AGPAT3: variants seen among roughly 807,000 people sequenced by gnomAD.
The protein encoded by AGPAT3 is 1-acylglycerol-3-phosphate O-acyltransferase 3, also known as 1-acyl-sn-glycerol-3-phosphate acyltransferase gamma.
A neutral mutation model predicts 47.3 loss-of-function variants in AGPAT3; 5 were observed. The observed-to-expected ratio is 0.11, with a 90% CI of 0.06 to 0.22. The LOEUF is 0.22. AGPAT3 is among the 10% of genes least tolerant of loss of function. The pLI, the probability that AGPAT3 is intolerant of heterozygous loss-of-function variation, is 1.00. For missense variants in AGPAT3, 315 were observed against 493.0 expected, an observed-to-expected ratio of 0.64 and a Z score of 3.42; for synonymous variants, 212 against 208.3, an observed-to-expected ratio of 1.02 and a Z score of -0.15.
chr21:43,975,277 CGT>C (rs1569106630), intron 7 of AGPAT3, among the ~76,000 whole-genome samples: 2 of 142,474 alleles, frequency 1.4e-5, no homozygotes, highest in African/African-American at 5.3e-5. Flanking sequence ...TGTGTGCTGG[CGT>C]GTGGTATGTT....
At chr21:43,980,930 T>A in intron 8 of AGPAT3, 59 bp from the exon 9 acceptor site, 14 of 1,371,182 alleles carry the variant, frequency 1.0e-5, no homozygotes, top group Non-Finnish European at 1.2e-5. Flanking sequence ...TTCTCCTGCA[T>A]TGAAATAATA....
intron 1 of AGPAT3, among the ~76,000 whole-genome samples, chr21:43,887,468 T>C (rs1017975163): frequency 2.6e-5 from 4 of 152,178 alleles, no homozygotes; most frequent in Non-Finnish European, 5.9e-5. Context: ...GCTAATTTTA[T>C]TGTGATGATG....
chr21:43,974,886 G>C (rs2089546528), intron 7 of AGPAT3, among the ~76,000 whole-genome samples: 1 of 152,220 alleles, frequency 6.6e-6, no homozygotes, highest in Non-Finnish European at 1.5e-5. Flanking sequence ...CCCCATGCCA[G>C]TTGAACCTGG....
At position 43,985,384 on chromosome 21, in the gene AGPAT3, G is replaced by T; in HGVS notation, c.*2992G>T. 3.2e-6 allele frequency: 1 copy of T among 310,514 alleles called. No homozygotes were observed. The highest frequency in any genetic ancestry group is 6.3e-6 in the Non-Finnish European group (1 of 157,974). The allele number at this position is 310,514 out of a possible 1,614,324, so 19.2% of individuals were successfully genotyped here. ...ATAACACAAAACAACAATGTAAGCA[G>T]CACTTTCTTGTGTAAAAAAAAAAAA... On this transcript the variant is annotated 3_prime_UTR_variant, in exon 10 of 10. Coordinates refer to ENST00000291572, the MANE Select transcript of AGPAT3 (RefSeq NM_020132.5).
chr21:43,980,282 A>C (rs1207848533), intron 8 of AGPAT3, among the ~76,000 whole-genome samples: 2 of 149,342 alleles, frequency 1.3e-5, no homozygotes, highest in East Asian at 3.9e-4. Flanking sequence ...TCTCAAAAAA[A>C]AAAAAAAAAC....
At chr21:43,925,808 C>T (rs145507312) in intron 2 of AGPAT3, among the ~76,000 whole-genome samples, 186 of 152,378 alleles carry the variant, frequency 1.2e-3, no homozygotes, top group African/African-American at 4.3e-3. Context: ...TCTGTCAGGA[C>T]GTGCCACAGC....
At chr21:43,973,180 C>T (rs1225755201) in intron 7 of AGPAT3, among the ~76,000 whole-genome samples, 2 of 152,246 alleles carry the variant, frequency 1.3e-5, no homozygotes, top group Admixed American at 6.5e-5. Flanking sequence ...CGTTCTTCTC[C>T]CGACCCGGGG....
intron 1 of AGPAT3, among the ~76,000 whole-genome samples, chr21:43,884,747 T>TGGTGCTG (rs1379931815): frequency 6.6e-6 from 1 of 151,120 alleles, no homozygotes; most frequent in Non-Finnish European, 1.5e-5. Context: ...CTGGGTGGCC[T>TGGTGCTG]GGTGCTGGGT....
At chr21:43,876,148 T>C (rs1036778059) in intron 1 of AGPAT3, among the ~76,000 whole-genome samples, 2 of 152,218 alleles carry the variant, frequency 1.3e-5, no homozygotes, top group African/African-American at 4.8e-5. Flanking sequence ...TCTCTTTGTT[T>C]TTTTCCAAGT....
intron 2 of AGPAT3, among the ~76,000 whole-genome samples, chr21:43,913,418 C>G (rs2086666596): frequency 6.6e-6 from 1 of 151,992 alleles, no homozygotes; most frequent in African/African-American, 2.4e-5. Flanking sequence ...AACCCCGTCT[C>G]TATAAAAAAA....
intron 2 of AGPAT3, among the ~76,000 whole-genome samples, chr21:43,935,753 TG>T (rs1319961246): frequency 1.3e-5 from 2 of 151,112 alleles, no homozygotes; most frequent in African/African-American, 4.9e-5. Context: ...GACCCAGGCG[TG>T]GGGCAGGAAG....
At position 43,984,837 on chromosome 21, in the gene AGPAT3, A is replaced by T; in HGVS notation, c.*2445A>T. On this transcript the variant is annotated 3_prime_UTR_variant, in exon 10 of 10. Coordinates refer to ENST00000291572, the MANE Select transcript of AGPAT3 (RefSeq NM_020132.5). ...TACACCCTACTTCTGAGCTTAATTC[A>T]GTTGATGTTATGTCCAAATTCAGGC... The T allele has an allele frequency of 3.6e-6, 1 of 281,312 alleles. No individual in the cohort carries two copies. Among genetic ancestry groups the T allele is most frequent in the South Asian group, 3.3e-5 (1 of 30,282 alleles). The allele number at this position is 281,312 out of a possible 1,614,324, so 17.4% of individuals were successfully genotyped here.
intron 2 of AGPAT3, among the ~76,000 whole-genome samples, chr21:43,957,676 C>T (rs2088550518): frequency 1.4e-5 from 2 of 147,050 alleles, no homozygotes; most frequent in African/African-American, 5.1e-5. Flanking sequence ...TCTCGGGTTT[C>T]CCCCTCCACA....
At chr21:43,938,085 T>TTC (rs10587738) in intron 2 of AGPAT3, among the ~76,000 whole-genome samples, 12 of 148,538 alleles carry the variant, frequency 8.1e-5, no homozygotes, top group East Asian at 7.9e-4. Context: ...CTCCCCCACT[T>TTC]TCTCTCTCTC....
At chr21:43,963,937 T>C (rs895649417) in intron 3 of AGPAT3, among the ~76,000 whole-genome samples, 3 of 152,012 alleles carry the variant, frequency 2.0e-5, no homozygotes, top group South Asian at 4.1e-4. Flanking sequence ...AACAAAAAAA[T>C]GAGAGCTTTT....
In AGPAT3 at chr21:43,947,548, G is replaced by A. The variant is rs76166759; in HGVS notation, c.-48-12086G>A. Among the ~76,000 whole-genome samples, 8 of 152,312 alleles carry A rather than the reference G, an allele frequency of 5.3e-5. No homozygotes were observed. In the East Asian group the frequency reaches 1.4e-3, roughly 26 times the overall value. ...ATCTCGGGCCCGTCCAGTGTCTGTC[G>A]GGGCCTTGATTCTGAGATGAGATTG... is the stretch of plus-strand genomic sequence containing the variant. On this transcript the variant is annotated intron_variant, in intron 2 of 9. Transcript: ENST00000291572.
At chr21:43,897,586 G>C (rs1192782767) in intron 1 of AGPAT3, among the ~76,000 whole-genome samples, 1 of 145,310 alleles carries the variant, frequency 6.9e-6, no homozygotes, top group Non-Finnish European at 1.5e-5. Flanking sequence ...CATCCCAGAC[G>C]GGGCGGCCGG....
Position 43,881,779 on chromosome 21 carries a change from C to G in AGPAT3, c.-112+16434C>G, listed in dbSNP as rs1227677414. On this transcript the variant is annotated intron_variant, in intron 1 of 9. Transcript: ENST00000291572. ...CAAGCCATTCTCCTGTCTCAGCCTC[C>G]TGAGTAGCTGGGATTACAGGTGCAT... Among the ~76,000 whole-genome samples, 3 of 152,262 alleles carry G rather than the reference C, an allele frequency of 2.0e-5. No individual in the cohort carries two copies. The South Asian group carries it at 6.2e-4, about 32-fold the overall frequency.
rs565964555 is a variant in AGPAT3 at position 43,981,938 on chromosome 21, C to T, written c.1043-366C>T. ...GGACAGGATGTGACCTGCTTACATC[C>T]GAGGGTCCTGCTCGTCCACCTCTGT... On this transcript the variant is annotated intron_variant, in intron 9 of 9. Coordinates refer to ENST00000291572, the MANE Select transcript of AGPAT3 (RefSeq NM_020132.5). This position sits in a 1 kb window ranked among gnomAD's most constrained non-coding sequence, Gnocchi z 5.3. Among the ~76,000 whole-genome samples, 45 of 152,164 alleles carry T rather than the reference C, an allele frequency of 3.0e-4. No homozygotes were observed. Among genetic ancestry groups the T allele is most frequent in the Admixed American group, 4.6e-4 (7 of 15,288 alleles).
Sources: allele counts gnomAD v4.1 joint callset (sites outside exome capture counted in the v4.1 genomes callset), GRCh38; gene constraint gnomAD v4.1.1; non-coding constraint Gnocchi (gnomAD v3.1); transcripts MANE v1.5; gene names NCBI Gene and HGNC (gene_info 2026-07-23, HGNC 2026-07-21).